The following DAAM2 variants were observed in gnomAD, a reference collection of about 807,000 sequenced individuals.
DAAM2 encodes disheveled-associated activator of morphogenesis 2.
Under a neutral mutation model 120.7 loss-of-function variants are expected in DAAM2, and 39 were observed. The ratio of observed to expected loss-of-function variants is 0.32; its 90% confidence interval spans 0.25 to 0.42. The LOEUF is 0.42. Ranked by LOEUF, DAAM2 falls within the 10% of genes least tolerant of loss-of-function variation. The probability of loss-of-function intolerance (pLI) is 1.00; values close to 1 mark genes in which losing one functional copy is unlikely to be tolerated. For missense variants in DAAM2, 1,283 were observed against 1,401.7 expected (o/e 0.92, Z 1.35); for synonymous variants, 488 against 524.9 (o/e 0.93, Z 0.96).
rs1763446127 is a variant in DAAM2, at chr6:39,843,733, CTAAG to C, written c.-56-12512_-56-12509del. 2.0e-5 allele frequency among the ~76,000 whole-genome samples: 3 copies of C among 152,224 alleles called. No homozygotes were observed. In the South Asian group the frequency reaches 6.2e-4, roughly 31 times the overall value. On this transcript the variant is annotated intron_variant, in intron 1 of 24. Coordinates refer to ENST00000274867, the MANE Select transcript of DAAM2 (RefSeq NM_001201427.2). Reference sequence around the variant, plus strand: ...TGGGACAGCCTGGACCTTTCTGTGACTAAGTGTGTGGTGAGACGATGGGGCCCAA... The same window carrying C: ...TGGGACAGCCTGGACCTTTCTGTGACTGTGTGGTGAGACGATGGGGCCCAA...
chr6:39,811,255 G>A (rs1308399508), intron 1 of DAAM2, among the ~76,000 whole-genome samples: 1 of 151,410 alleles, frequency 6.6e-6, no homozygotes, highest in Non-Finnish European at 1.5e-5. Context: ...ATTTATAGCT[G>A]GATCTTCAGG....
rs565223426 is a variant in DAAM2 at position 39,821,421 on chromosome 6, G to A, written c.-57+28956G>A. On this transcript the variant is annotated intron_variant, in intron 1 of 24. Coordinates refer to ENST00000274867, the MANE Select transcript of DAAM2 (RefSeq NM_001201427.2). ...GGGACATCAGAAGATAATTCTTGAG[G>A]ACTGAGCTCAGGATTCCTAAAAAGA... 4.6e-5 allele frequency: 7 copies of A among 152,410 alleles called. No individual in the cohort carries two copies. The East Asian group carries it at 1.3e-3, about 29-fold the overall frequency. The allele number at this position is 152,410 out of a possible 1,614,324, so 9.4% of individuals were successfully genotyped here.
At position 39,878,515 on chromosome 6, in the gene DAAM2, C is replaced by T; in HGVS notation, c.1472C>T (p.Ala491Val). The part of the protein sequence containing the change: ...RTLNKMKDKL[A>V]RESQELRQAR... ...CTGAACAAAATGAAGGACAAGCTGGCCCGGGAGTCCCAGGAGCTGCGCCAG... is the reference window on the plus strand; with the variant it reads ...CTGAACAAAATGAAGGACAAGCTGGTCCGGGAGTCCCAGGAGCTGCGCCAG... Residue 491 changes from alanine to valine, a missense_variant, in exon 13 of 25, where the codon GCC (alanine) becomes GTC (valine). Physicochemically the swap from Ala to Val is moderately conservative, Grantham distance 64 (BLOSUM62 0). Transcript: ENST00000274867. This position sits in a 1 kb window ranked among gnomAD's most constrained non-coding sequence, Gnocchi z 5.0. The T allele has an allele frequency of 6.2e-7, 1 of 1,610,194 alleles. No individual in the cohort carries two copies. Among genetic ancestry groups the T allele is most frequent in the Non-Finnish European group, 8.5e-7 (1 of 1,178,290 alleles).
intron 1 of DAAM2, among the ~76,000 whole-genome samples, chr6:39,851,078 T>C (rs745524212): frequency 6.6e-6 from 1 of 152,156 alleles, no homozygotes; most frequent in Non-Finnish European, 1.5e-5. Context: ...ATAACCACCT[T>C]ATAAGGTCAT....
At chr6:39,869,454 G>A (rs973614866) in intron 7 of DAAM2, among the ~76,000 whole-genome samples, 6 of 152,154 alleles carry the variant, frequency 3.9e-5, no homozygotes, top group Non-Finnish European at 7.3e-5. Context: ...AAGTGTGGTG[G>A]TGGGCACCTG....
At chr6:39,836,666 G>C (rs1235891957) in intron 1 of DAAM2, among the ~76,000 whole-genome samples, 2 of 152,148 alleles carry the variant, frequency 1.3e-5, no homozygotes, top group Admixed American at 6.5e-5. Flanking sequence ...ATTTTAACAA[G>C]CCCTCCAGGA....
chr6:39,897,098 CACTCCATCCT>C (rs1766151208), intron 20 of DAAM2, 67 bp from the exon 21 acceptor site: 1 of 1,518,326 alleles, frequency 6.6e-7, no homozygotes, highest in African/African-American at 1.4e-5. Flanking sequence ...TTTCTCTTAA[CACTCCATCCT>C]CTGACCCTCT....
At chr6:39,898,489 T>C (rs1158052908) in intron 21 of DAAM2, among the ~76,000 whole-genome samples, 1 of 152,130 alleles carries the variant, frequency 6.6e-6, no homozygotes. Context: ...ACTAGAAACA[T>C]AGTGGTAAAT....
At chr6:39,856,007 T>A (rs541268442) in intron 1 of DAAM2, 625 of 983,334 alleles carry the variant, frequency 6.4e-4, no homozygotes, top group Admixed American at 8.1e-4. Flanking sequence ...GAAAGTGTCT[T>A]GGCAGATAAC....
intron 21 of DAAM2, among the ~76,000 whole-genome samples, chr6:39,897,864 A>G (rs910968608): frequency 1.3e-5 from 2 of 152,106 alleles, no homozygotes; most frequent in African/African-American, 4.8e-5. Flanking sequence ...CTCAATTACA[A>G]TGCGAATGCT....
chr6:39,874,807 G>A (rs1005662386), intron 10 of DAAM2, among the ~76,000 whole-genome samples: 1 of 152,142 alleles, frequency 6.6e-6, no homozygotes, highest in Non-Finnish European at 1.5e-5. Flanking sequence ...ACTTCCACAA[G>A]AAATTTTCTC....
chr6:39,822,890 A>G (rs991986706), intron 1 of DAAM2: 1 of 152,292 alleles, frequency 6.6e-6, no homozygotes, highest in Non-Finnish European at 1.5e-5. Flanking sequence ...ACCCCCAGCC[A>G]GAGCCCTTCA....
At chr6:39,864,855 G>A (rs932073357) in intron 4 of DAAM2, 125 bp from the exon 5 acceptor site, 44 of 1,197,516 alleles carry the variant, frequency 3.7e-5, no homozygotes, top group Non-Finnish European at 5.2e-5. Flanking sequence ...GCCGACACTC[G>A]GTCTCAGTAA....
Position 39,865,067 on chromosome 6 carries a change from C to A in DAAM2, c.421C>A (p.Pro141Thr). ...CCTGAAGACAGCCCTCCGGACACAG[C>A]CTATGAGGTAATTCAGTTTCCCCCT... Reference protein sequence around the residue: ...EDLKTALRTQPMRFVTRFIEL... With the variant: ...EDLKTALRTQTMRFVTRFIEL... The change falls in exon 5 of 25, where the codon CCT (proline) becomes ACT (threonine). Residue 141 changes from proline (P) to threonine (T), a missense_variant. By Grantham distance (38) the Pro-to-Thr change is conservative (BLOSUM62 -1). Around this residue, in one of 3 missense-constraint regions of DAAM2, gnomAD observed 197 missense variants for 189.3 expected, o/e 1.04. Coordinates refer to ENST00000274867, the MANE Select transcript of DAAM2 (RefSeq NM_001201427.2). 6.5e-7 allele frequency: 1 copy of A among 1,547,022 alleles called. No individual in the cohort carries two copies. Among genetic ancestry groups the A allele is most frequent in the Non-Finnish European group, 8.9e-7 (1 of 1,126,336 alleles).
At position 39,901,491 on chromosome 6, in the gene DAAM2, C is replaced by T; in HGVS notation, c.2982+19C>T. 1.3e-6 allele frequency: 2 copies of T among 1,595,946 alleles called. No homozygotes were observed. Among genetic ancestry groups the T allele is most frequent in the Non-Finnish European group, 1.7e-6 (2 of 1,176,076 alleles). On this transcript the variant is annotated intron_variant, in intron 24 of 24. Transcript: ENST00000274867. This position sits in a 1 kb window ranked among gnomAD's most constrained non-coding sequence, Gnocchi z 4.5. ...AGCCATGGTGAGGGGCAGTGCCAGG[C>T]CTGGGACTGAGGGGAGACGGGTGCT...
chr6:39,834,563 T>G (rs1297746123), intron 1 of DAAM2, among the ~76,000 whole-genome samples: 1 of 152,194 alleles, frequency 6.6e-6, no homozygotes, highest in Non-Finnish European at 1.5e-5. Flanking sequence ...ATTTGAAAAC[T>G]CAGCTCTGGC....
At chr6:39,793,680 T>C (rs1761616007) in intron 1 of DAAM2, among the ~76,000 whole-genome samples, 1 of 152,098 alleles carries the variant, frequency 6.6e-6, no homozygotes, top group Non-Finnish European at 1.5e-5. Context: ...AAGCGGGGGA[T>C]GGATTTTCCC....
chr6:39,857,250 G>A (rs1280427086), intron 2 of DAAM2, among the ~76,000 whole-genome samples: 1 of 152,228 alleles, frequency 6.6e-6, no homozygotes, highest in African/African-American at 2.4e-5. Flanking sequence ...AGAGCCATAA[G>A]TACATGTTCA....
At chr6:39,848,314 C>T (rs1763674942) in intron 1 of DAAM2, among the ~76,000 whole-genome samples, 3 of 152,164 alleles carry the variant, frequency 2.0e-5, no homozygotes, top group South Asian at 4.1e-4. Flanking sequence ...ATGGCATTTA[C>T]TCGGTGGGTG....
Sources: gnomAD v4.1 joint callset for allele counts (sites outside exome capture counted in the v4.1 genomes callset) on GRCh38, gnomAD v4.1.1 for gene constraint, gnomAD v4.1.1 regional missense constraint, Gnocchi (gnomAD v3.1) non-coding constraint, MANE v1.5 for transcripts, NCBI Gene and HGNC (gene_info 2026-07-23, HGNC 2026-07-21) for gene names.